GCSAML: variants seen among roughly 807,000 people sequenced by gnomAD.
GCSAML encodes germinal center-associated signaling and motility-like protein.
Under a neutral mutation model 13.0 loss-of-function variants are expected in GCSAML, and 9 were observed. That is an observed-to-expected ratio of 0.69 (90% CI 0.42 to 1.21). GCSAML has a LOEUF of 1.21. GCSAML is among the 50% of genes most tolerant of loss of function. GCSAML has a pLI of 0.00. For synonymous variants in GCSAML, 37 were observed against 52.9 expected, an observed-to-expected ratio of 0.70 and a Z score of 1.31; for missense variants, 143 against 153.4, an observed-to-expected ratio of 0.93 and a Z score of 0.36.
At chr1:247,553,892 C>CTAA (rs918501681) in intron 1 of GCSAML, among the ~76,000 whole-genome samples, 22 of 152,290 alleles carry the variant, frequency 1.4e-4, no homozygotes, top group African/African-American at 5.3e-4. Context: ...AATATTTTTG[C>CTAA]TAATTACCTA....
At chr1:247,534,436 G>C (rs563668287) in intron 2 of GCSAML, among the ~76,000 whole-genome samples, 5 of 152,312 alleles carry the variant, frequency 3.3e-5, no homozygotes, top group Admixed American at 1.3e-4. Flanking sequence ...GTGTTGTCAG[G>C]AGAGAGCTCT....
intron 1 of GCSAML, among the ~76,000 whole-genome samples, chr1:247,513,181 T>C (rs188599210): frequency 3.3e-5 from 5 of 152,334 alleles, no homozygotes; most frequent in African/African-American, 9.6e-5. Context: ...ACTGGGGCTG[T>C]TGCCTTTCTT....
chr1:247,531,961 A>AG (rs756898397), intron 2 of GCSAML: 12 of 1,613,996 alleles, frequency 7.4e-6, no homozygotes, highest in Non-Finnish European at 1.0e-5. Context: ...TTGCATAATG[A>AG]GGGGCATCTC....
chr1:247,540,705 G>A (rs776591990), intron 2 of GCSAML, among the ~76,000 whole-genome samples: 23 of 152,206 alleles, frequency 1.5e-4, no homozygotes, highest in Non-Finnish European at 3.2e-4. Flanking sequence ...AAGTGGGGGA[G>A]GGAGGCCTTA....
chr1:247,554,728 T>G (rs546004574), intron 1 of GCSAML, among the ~76,000 whole-genome samples: 1 of 152,166 alleles, frequency 6.6e-6, no homozygotes, highest in East Asian at 1.9e-4. Context: ...TATAGCTTAT[T>G]GGGTTTTAAT....
intron 2 of GCSAML, among the ~76,000 whole-genome samples, chr1:247,542,020 A>G (rs78788877): frequency 1.6e-5 from 2 of 123,540 alleles, no homozygotes; most frequent in African/African-American, 1.0e-4. Context: ...AAAAAAAAAG[A>G]AAAAAAAAAA....
At chr1:247,556,167 C>G (rs936376099) in intron 1 of GCSAML, among the ~76,000 whole-genome samples, 2 of 152,150 alleles carry the variant, frequency 1.3e-5, no homozygotes, top group African/African-American at 4.8e-5. Flanking sequence ...ACAAGAAATC[C>G]TAAGACTGAC....
rs1481058397 is a variant in GCSAML, at chr1:247,577,476, T to G, written c.*3094T>G. On this transcript the variant is annotated 3_prime_UTR_variant, in exon 5 of 5. Transcript: ENST00000366488. ...ATGTACCCTTTCCATATTTATTTTG[T>G]GTGTGTAAGGCTTCTTTTAGTCATT... 1 of 152,214 alleles carries G rather than the reference T, an allele frequency of 6.6e-6. No homozygotes were observed. The highest frequency in any genetic ancestry group is 1.5e-5 in the Non-Finnish European group (1 of 68,030). 9.4% of individuals were successfully genotyped at this position (152,214 alleles called of 1,614,324 possible).
chr1:247,571,985 G>A (rs1668633640), intron 4 of GCSAML, among the ~76,000 whole-genome samples: 1 of 151,874 alleles, frequency 6.6e-6, no homozygotes, highest in African/African-American at 2.4e-5. Flanking sequence ...TCTTCTGCCC[G>A]ATCAATTTGG....
intron 1 of GCSAML, among the ~76,000 whole-genome samples, chr1:247,509,419 G>T (rs1665937757): frequency 1.3e-5 from 2 of 152,282 alleles, no homozygotes; most frequent in Middle Eastern, 3.4e-3. Flanking sequence ...AGACGATGGG[G>T]TTTTCTAAAT....
At chr1:247,551,432 G>A (rs1667774053) in intron 1 of GCSAML, among the ~76,000 whole-genome samples, 1 of 152,194 alleles carries the variant, frequency 6.6e-6, no homozygotes, top group South Asian at 2.1e-4. Flanking sequence ...ATAATGAAGG[G>A]CCTTCAAAGG....
chr1:247,558,719 T>A (rs1212065677), intron 2 of GCSAML, among the ~76,000 whole-genome samples: 1 of 152,234 alleles, frequency 6.6e-6, no homozygotes, highest in Non-Finnish European at 1.5e-5. Context: ...TGTTTAGGAA[T>A]GGAAGCATAT....
At chr1:247,540,195 G>A (rs1484930475) in intron 2 of GCSAML, among the ~76,000 whole-genome samples, 1 of 152,122 alleles carries the variant, frequency 6.6e-6, no homozygotes, top group Non-Finnish European at 1.5e-5. Flanking sequence ...CCACGCCTGG[G>A]TAATTTTTTG....
At chr1:247,513,170 G>T (rs902252874) in intron 1 of GCSAML, among the ~76,000 whole-genome samples, 2 of 152,244 alleles carry the variant, frequency 1.3e-5, no homozygotes, top group Non-Finnish European at 2.9e-5. Context: ...ATAAGCTCCT[G>T]ACTGGGGCTG....
In GCSAML at chr1:247,549,912, C is replaced by T. The variant is rs965799473; in HGVS notation, c.29+692C>T. 4.6e-5 allele frequency among the ~76,000 whole-genome samples: 7 copies of T among 152,310 alleles called. No individual in the cohort carries two copies. In the East Asian group the frequency reaches 5.8e-4, roughly 13 times the overall value. On this transcript the variant is annotated intron_variant, in intron 1 of 4. Transcript: ENST00000366488. ...CTCTACAGCATCCCACTCCTCTGTC[C>T]GCTCTCCCAGTCCCCTTCCAGACAA...
In GCSAML at chr1:247,527,384, C is replaced by T. The variant is rs548528438; in HGVS notation, c.-148+330C>T. 5 of 171,056 alleles carry T rather than the reference C, an allele frequency of 2.9e-5. No individual in the cohort carries two copies. The highest frequency in any genetic ancestry group is 3.4e-4 in the East Asian group (2 of 5,822). 10.6% of individuals were successfully genotyped at this position (171,056 alleles called of 1,614,324 possible). Reference sequence around the variant, plus strand: ...AGAAGATGACAGATATTTGGGGTAACGGGTCCCAGAGGGTCCTACTGCCAC... The same window carrying T: ...AGAAGATGACAGATATTTGGGGTAATGGGTCCCAGAGGGTCCTACTGCCAC... On this transcript the variant is annotated intron_variant, in intron 2 of 5. Transcript: ENST00000366489. This position sits in a 1 kb window ranked among gnomAD's most constrained non-coding sequence, Gnocchi z 4.6.
upstream of GCSAML, among the ~76,000 whole-genome samples, chr1:247,544,357 C>T (rs1340599188): frequency 1.3e-5 from 2 of 152,146 alleles, no homozygotes; most frequent in African/African-American, 4.8e-5. Context: ...GGTTTTATAT[C>T]CTTCGAAGTT....
In GCSAML at chr1:247,575,255, G is replaced by A. The variant is rs187188122; in HGVS notation, c.*873G>A. 1 of 152,274 alleles carries A rather than the reference G, an allele frequency of 6.6e-6. No homozygotes were observed. The highest frequency in any genetic ancestry group is 2.4e-5 in the African/African-American group (1 of 41,570). 9.4% of individuals were successfully genotyped at this position (152,274 alleles called of 1,614,324 possible). A position where few individuals can be genotyped will look rare whatever the true frequency, so the allele number is the denominator to read the frequency against. ...CACACTTTCTCAGGACCTCCTGAGAGTGTATCCCAGGCCATGGTAAGTCAT... is the reference window on the plus strand; with the variant it reads ...CACACTTTCTCAGGACCTCCTGAGAATGTATCCCAGGCCATGGTAAGTCAT... On this transcript the variant is annotated 3_prime_UTR_variant, in exon 5 of 5. Transcript: ENST00000366488.
chr1:247,531,776 C>T (rs1233717505), intron 2 of GCSAML: 2 of 1,614,050 alleles, frequency 1.2e-6, no homozygotes, highest in Admixed American at 1.7e-5. Flanking sequence ...ACCACAGCCA[C>T]GTGGGAAGAA....
Sources: allele counts gnomAD v4.1 joint callset (sites outside exome capture counted in the v4.1 genomes callset), GRCh38; gene constraint gnomAD v4.1.1; non-coding constraint Gnocchi (gnomAD v3.1); transcripts MANE v1.5; gene names NCBI Gene and HGNC (gene_info 2026-07-23, HGNC 2026-07-21).